The following NLGN1 variants were observed in gnomAD, a reference collection of about 807,000 sequenced individuals.
The protein encoded by NLGN1 is neuroligin-1.
Under a neutral mutation model 65.5 loss-of-function variants are expected in NLGN1, and 12 were observed. That is an observed-to-expected ratio of 0.18 (90% CI 0.12 to 0.30). The LOEUF is 0.30. Ranked by LOEUF, NLGN1 falls within the 10% of genes least tolerant of loss-of-function variation. The pLI is 1.00. For missense variants in NLGN1, 750 were observed against 1,007.1 expected (o/e 0.74, Z 3.46); for synonymous variants, 350 against 359.5 (o/e 0.97, Z 0.30).
chr3:173,976,720 G>A (rs1717544940), intron 4 of NLGN1, among the ~76,000 whole-genome samples: 1 of 151,928 alleles, frequency 6.6e-6, no homozygotes, highest in African/African-American at 2.4e-5. Context: ...TCTTTCCCTG[G>A]CATCTGCCCT....
At chr3:173,397,400 G>A (rs193176969), upstream of NLGN1, among the ~76,000 whole-genome samples, 28 of 152,160 alleles carry the variant, frequency 1.8e-4, no homozygotes, top group East Asian at 4.9e-3. Context: ...GACCTTTTGG[G>A]GAGATGTGGG....
At chr3:173,727,682 A>G (rs958630827) in intron 3 of NLGN1, among the ~76,000 whole-genome samples, 4 of 152,154 alleles carry the variant, frequency 2.6e-5, no homozygotes, top group Admixed American at 2.0e-4. Flanking sequence ...GTATATATAT[A>G]TACAAATTCT....
chr3:173,930,498 G>A (rs947171647), intron 4 of NLGN1, among the ~76,000 whole-genome samples: 2 of 152,048 alleles, frequency 1.3e-5, no homozygotes, highest in Non-Finnish European at 2.9e-5. Flanking sequence ...ATTAAACAGG[G>A]TTTCATTGAA....
chr3:173,676,526 A>G (rs374502389), intron 3 of NLGN1, among the ~76,000 whole-genome samples: 5 of 152,132 alleles, frequency 3.3e-5, no homozygotes, highest in African/African-American at 1.2e-4. Context: ...TTTTTTCTCT[A>G]TAAAGGTAAT....
chr3:174,001,153 C>T (rs372326439), intron 4 of NLGN1, among the ~76,000 whole-genome samples: 16 of 152,156 alleles, frequency 1.1e-4, no homozygotes, highest in African/African-American at 3.9e-4. Flanking sequence ...AAGGGAAGAA[C>T]AGATGAGAGC....
intron 4 of NLGN1, among the ~76,000 whole-genome samples, chr3:174,181,976 C>CA (rs551914698): frequency 0.14 from 6,362 of 44,060 alleles, 616 homozygotes; most frequent in Non-Finnish European, 0.2. Context: ...GACTTGGTGT[C>CA]AAAAAAAAAA....
chr3:173,452,339 C>A (rs1230818542), intron 2 of NLGN1, among the ~76,000 whole-genome samples: 1 of 152,072 alleles, frequency 6.6e-6, no homozygotes. Flanking sequence ...TGCCCGCCAC[C>A]ACGTCCGGCT....
intron 4 of NLGN1, among the ~76,000 whole-genome samples, chr3:174,079,939 A>G (rs951415013): frequency 6.6e-6 from 1 of 152,274 alleles, no homozygotes; most frequent in South Asian, 2.1e-4. Flanking sequence ...AATGGGTACT[A>G]GGCTTAATAT....
intron 2 of NLGN1, among the ~76,000 whole-genome samples, chr3:173,495,008 T>C (rs1405036482): frequency 2.6e-5 from 4 of 151,836 alleles, no homozygotes; most frequent in African/African-American, 9.7e-5. Flanking sequence ...TGCATTTCCA[T>C]GTAAGTTTTA....
At chr3:173,732,914 G>A (rs959322052) in intron 3 of NLGN1, among the ~76,000 whole-genome samples, 4 of 151,944 alleles carry the variant, frequency 2.6e-5, no homozygotes, top group Admixed American at 2.6e-4. Context: ...ATAAACATTA[G>A]CAAGATAATG....
intron 4 of NLGN1, among the ~76,000 whole-genome samples, chr3:173,876,151 G>T (rs1732068505): frequency 6.6e-6 from 1 of 152,106 alleles, no homozygotes. Context: ...GTTGGTAGGG[G>T]TTCTTAAAGG....
intron 3 of NLGN1, among the ~76,000 whole-genome samples, chr3:173,781,047 G>C (rs987562630): frequency 4.7e-5 from 7 of 149,148 alleles, no homozygotes; most frequent in African/African-American, 1.5e-4. Context: ...GGGAGGCTGA[G>C]GCAGGAGAAT....
intron 4 of NLGN1, among the ~76,000 whole-genome samples, chr3:174,267,527 C>T (rs992046624): frequency 6.6e-6 from 1 of 152,082 alleles, no homozygotes; most frequent in Non-Finnish European, 1.5e-5. Flanking sequence ...AACTTTAGGA[C>T]CTTGGCCTGT....
At chr3:173,764,255 A>T (rs1387001) in intron 3 of NLGN1, among the ~76,000 whole-genome samples, 2,328 of 152,256 alleles carry the variant, frequency 0.015, 30 homozygotes, top group Middle Eastern at 0.027. Flanking sequence ...AGGAAAACTA[A>T]TGGCATCTTA....
At chr3:173,893,729 T>G (rs1735793000) in intron 4 of NLGN1, among the ~76,000 whole-genome samples, 1 of 152,218 alleles carries the variant, frequency 6.6e-6, no homozygotes, top group Non-Finnish European at 1.5e-5. Context: ...TTTAACCTCT[T>G]ACTTAACTCA....
chr3:174,212,972 C>G (rs902708592), intron 4 of NLGN1, among the ~76,000 whole-genome samples: 1 of 152,100 alleles, frequency 6.6e-6, no homozygotes, highest in Admixed American at 6.6e-5. Flanking sequence ...ACTTAAAGGC[C>G]CCTGTGATTA....
chr3:173,997,090 C>A (rs965123730), intron 4 of NLGN1, among the ~76,000 whole-genome samples: 1 of 151,288 alleles, frequency 6.6e-6, no homozygotes, highest in Non-Finnish European at 1.5e-5. Flanking sequence ...ATTCTTAGGC[C>A]AATTATTATA....
In NLGN1 at chr3:173,560,182, C is replaced by T. The variant is rs182605572; in HGVS notation, c.-320-44097C>T. 2.2e-3 allele frequency among the ~76,000 whole-genome samples: 341 copies of T among 152,122 alleles called. 2 individuals are homozygous for T. Among genetic ancestry groups the T allele is most frequent in the African/African-American group, 7.4e-3 (307 of 41,508 alleles). On this transcript the variant is annotated intron_variant, in intron 2 of 6. Transcript: ENST00000457714. ...TCCTGACCTCGTGATCCGCCCGCCT[C>T]GGCCTCCCAAAGTGCTGGGATTACT...
chr3:173,589,574 G>A (rs1331005778), intron 2 of NLGN1, among the ~76,000 whole-genome samples: 2 of 152,098 alleles, frequency 1.3e-5, no homozygotes, highest in African/African-American at 2.4e-5. Context: ...TGAATATTGG[G>A]CAACTATTTT....
Sources: gnomAD v4.1 joint callset for allele counts (sites outside exome capture counted in the v4.1 genomes callset) on GRCh38, gnomAD v4.1.1 for gene constraint, MANE v1.5 for transcripts, NCBI Gene and HGNC (gene_info 2026-07-23, HGNC 2026-07-21) for gene names.